CCDC144A: variants seen among roughly 807,000 people sequenced by gnomAD.
CCDC144A encodes the protein coiled-coil domain containing 144A.
CCDC144A carries 41 observed loss-of-function variants against 143.8 expected under a neutral mutation model. That is an observed-to-expected ratio of 0.29 (90% CI 0.22 to 0.37). CCDC144A has a LOEUF of 0.37. Among genes scored for constraint, CCDC144A ranks in the 10% least tolerant of loss-of-function variants. The pLI is 1.00. For synonymous variants in CCDC144A, 242 were observed against 517.9 expected (o/e 0.47, Z 7.23); for missense variants, 637 against 1,488.8 (o/e 0.43, Z 9.41).
the CCDC144A span, among the ~76,000 whole-genome samples, chr17:16,673,257 A>G: frequency 6.6e-6 from 1 of 151,932 alleles, no homozygotes; most frequent in African/African-American, 2.4e-5. Context: ...ACACCAAGCC[A>G]GGATGAGAAT....
At position 16,761,621 on chromosome 17, in the gene CCDC144A, T is replaced by C; in HGVS notation, c.3569T>C (p.Leu1190Ser). 1 of 1,613,722 alleles carries C rather than the reference T, an allele frequency of 6.2e-7. No homozygotes were observed. The highest frequency in any genetic ancestry group is 1.1e-5 in the South Asian group (1 of 91,076). Residue 1190 changes from leucine to serine, a missense_variant, in exon 13 of 17, where the codon TTA (leucine) becomes TCA (serine). By Grantham distance (145) the Leu-to-Ser change is moderately radical. Transcript: ENST00000399273. ...AAAAGTTATATGGAAAGAAATATGT[T>C]AGAACGTGGTAAAGCTGAATGGCAT... ...NLKSYMERNM[L>S]ERGKAEWHKL...
intron 9 of CCDC144A, chr17:16,731,554 A>T (rs1300796812): frequency 6.5e-6 from 1 of 153,804 alleles, no homozygotes; most frequent in African/African-American, 2.5e-5. Flanking sequence ...CATAATATTT[A>T]CCAGGGTTAC....
At position 16,708,868 on chromosome 17, in the gene CCDC144A, C is replaced by T. The variant is rs200353361; in HGVS notation, c.811C>T (p.His271Tyr). ...TATACCTATATATCCAGTACTTCCT[C>T]ATGTGCAAAAATCTGAGGAAATGTG... ...EDIPIYPVLP[H>Y]VQKSEEMWIE... Residue 271 changes from histidine to tyrosine, a missense_variant, in exon 5 of 17, where the codon CAT becomes TAT. Physicochemically the swap from His to Tyr is moderately conservative, Grantham distance 83. Transcript: ENST00000399273. 46 of 1,611,784 alleles carry T rather than the reference C, an allele frequency of 2.9e-5. No homozygotes were observed. The highest frequency in any genetic ancestry group is 5.1e-6 in the Non-Finnish European group (6 of 1,179,764).
chr17:16,738,029 T>A (rs1914101393), intron 12 of CCDC144A, among the ~76,000 whole-genome samples: 1 of 151,972 alleles, frequency 6.6e-6, no homozygotes, highest in African/African-American at 2.4e-5. Context: ...CCAGATTAAA[T>A]TATAGGATAA....
chr17:16,770,054 C>T (rs1450687049), intron 15 of CCDC144A, among the ~76,000 whole-genome samples: 2 of 151,502 alleles, frequency 1.3e-5, no homozygotes, highest in African/African-American at 4.9e-5. Context: ...TCTTGAACTC[C>T]TAACCTTGTG....
At chr17:16,719,457 C>T (rs1179236372) in intron 6 of CCDC144A, among the ~76,000 whole-genome samples, 3 of 152,190 alleles carry the variant, frequency 2.0e-5, no homozygotes, top group Non-Finnish European at 4.4e-5. Context: ...GTGGGTTCAT[C>T]TGCTATCATC....
At chr17:16,691,515 A>C (rs1911070233) in intron 1 of CCDC144A, among the ~76,000 whole-genome samples, 1 of 151,870 alleles carries the variant, frequency 6.6e-6, no homozygotes, top group African/African-American at 2.4e-5. Context: ...TAATCCCAGC[A>C]ATTTGGGAGG....
chr17:16,743,507 G>C (rs1342643629), intron 12 of CCDC144A, among the ~76,000 whole-genome samples: 1 of 151,822 alleles, frequency 6.6e-6, no homozygotes, highest in Non-Finnish European at 1.5e-5. Flanking sequence ...AATATATTTT[G>C]AAGTCAGGTG....
intron 12 of CCDC144A, among the ~76,000 whole-genome samples, chr17:16,756,393 A>G (rs544297216): frequency 0.051 from 7,595 of 150,306 alleles, 508 homozygotes; most frequent in African/African-American, 0.18. Flanking sequence ...GATCTAGTCT[A>G]TTGCCAACAT....
At chr17:16,741,621 AT>A (rs376386898) in intron 12 of CCDC144A, among the ~76,000 whole-genome samples, 14,283 of 151,220 alleles carry the variant, frequency 0.094, 888 homozygotes, top group Non-Finnish European at 0.13. Flanking sequence ...TTATTGATGT[AT>A]TTTTTTTTAG....
At chr17:16,730,182 T>C (rs1319798642) in intron 9 of CCDC144A, among the ~76,000 whole-genome samples, 3 of 115,036 alleles carry the variant, frequency 2.6e-5, no homozygotes, top group Non-Finnish European at 5.2e-5. Flanking sequence ...GAGATAGGGA[T>C]CCAGTTTCAT....
the CCDC144A span, chr17:16,684,245 G>A: frequency 1.2e-6 from 1 of 866,754 alleles, no homozygotes; most frequent in African/African-American, 1.6e-5. Flanking sequence ...TATCTTAAAT[G>A]TTCATGTCCC....
the CCDC144A span, among the ~76,000 whole-genome samples, chr17:16,678,751 GT>G: frequency 0.13 from 10,518 of 78,036 alleles, 369 homozygotes; most frequent in East Asian, 0.31. Context: ...TGGCTAATTT[GT>G]TTTTTTTTTT....
chr17:16,746,091 C>T, intron 12 of CCDC144A: 1 of 1,603,826 alleles, frequency 6.2e-7, no homozygotes, highest in South Asian at 1.1e-5. Flanking sequence ...TTCCACGGGC[C>T]TGGCTTTTAC....
chr17:16,714,711 A>G (rs1433239066), intron 6 of CCDC144A, among the ~76,000 whole-genome samples: 1 of 151,980 alleles, frequency 6.6e-6, no homozygotes, highest in Non-Finnish European at 1.5e-5. Flanking sequence ...CATAAGTCAG[A>G]TGATGTCATT....
At chr17:16,768,832 G>A (rs1391892588) in intron 15 of CCDC144A, among the ~76,000 whole-genome samples, 1 of 151,110 alleles carries the variant, frequency 6.6e-6, no homozygotes, top group Non-Finnish European at 1.5e-5. Flanking sequence ...TAAAGTGGAG[G>A]TAGTTGTGAA....
intron 12 of CCDC144A, among the ~76,000 whole-genome samples, chr17:16,736,574 G>A (rs1438820294): frequency 6.6e-6 from 1 of 151,596 alleles, no homozygotes; most frequent in Non-Finnish European, 1.5e-5. Flanking sequence ...CCTATCATTC[G>A]GATATAACTT....
intron 9 of CCDC144A, among the ~76,000 whole-genome samples, chr17:16,730,599 T>C (rs2143230139): frequency 8.2e-6 from 1 of 122,496 alleles, no homozygotes; most frequent in South Asian, 3.1e-4. Context: ...TTTCACTATA[T>C]TGATTCTTCT....
chr17:16,761,282 C>T (rs1168295512), intron 12 of CCDC144A, 143 bp from the exon 13 acceptor site: 11 of 1,355,708 alleles, frequency 8.1e-6, no homozygotes, highest in East Asian at 5.3e-5. Flanking sequence ...TGTAGTGAGC[C>T]GAGATCCTGT....
Sources: gnomAD v4.1 joint callset for allele counts (sites outside exome capture counted in the v4.1 genomes callset) on GRCh38, gnomAD v4.1.1 for gene constraint, MANE v1.5 for transcripts, NCBI Gene and HGNC (gene_info 2026-07-23, HGNC 2026-07-21) for gene names.